The following ANK1 variants were observed in gnomAD, a reference collection of about 807,000 sequenced individuals.
ANK1 encodes ankyrin 1.
ANK1 carries 51 observed loss-of-function variants against 210.4 expected under a neutral mutation model. That is an observed-to-expected ratio of 0.24 (90% CI 0.19 to 0.31). ANK1 has a LOEUF of 0.31. Ranked by LOEUF, ANK1 falls within the 10% of genes least tolerant of loss-of-function variation. ANK1 has a pLI of 1.00. For missense variants in ANK1, 2,051 were observed against 2,504.4 expected, an observed-to-expected ratio of 0.82 and a Z score of 3.86; for synonymous variants, 967 against 1,025.9, an observed-to-expected ratio of 0.94 and a Z score of 1.10.
intron 1 of ANK1, among the ~76,000 whole-genome samples, chr8:41,884,315 T>A (rs1036556683): frequency 6.6e-6 from 1 of 152,126 alleles, no homozygotes; most frequent in Admixed American, 6.5e-5. Context: ...GCCATTGCAC[T>A]CCAGCCTGGG....
chr8:41,867,480 G>T (rs762791989), intron 1 of ANK1, among the ~76,000 whole-genome samples: 3 of 152,098 alleles, frequency 2.0e-5, no homozygotes, highest in Non-Finnish European at 4.4e-5. Context: ...AAGGGTCCTG[G>T]ACCTGATAAC....
intron 17 of ANK1, among the ~76,000 whole-genome samples, chr8:41,707,722 A>C (rs999761540): frequency 3.3e-5 from 5 of 152,216 alleles, no homozygotes; most frequent in African/African-American, 4.8e-5. Flanking sequence ...ATGCCATGAG[A>C]TATAATGAAT....
rs181023637 is a variant in ANK1, at chr8:41,791,683, G to A, written c.27+5829C>T. On this transcript the variant is annotated intron_variant, in intron 1 of 42. Coordinates refer to ENST00000289734, the MANE Select transcript of ANK1 (RefSeq NM_000037.4). ...CTTGACCTCGTGATCCGCCCACCTC[G>A]GACTCCCAAAGTGGGGAGGCACTAA... Among the ~76,000 whole-genome samples, 292 of 152,196 alleles carry A rather than the reference G, an allele frequency of 1.9e-3. 1 individual carries two copies. The highest frequency in any genetic ancestry group is 3.7e-3 in the Admixed American group (56 of 15,300).
At position 41,694,017 on chromosome 8, in the gene ANK1, C is replaced by T. The variant is rs1284031387; in HGVS notation, c.3413G>A (p.Arg1138His). The T allele has an allele frequency of 7.4e-6, 12 of 1,613,896 alleles. No homozygotes were observed. Among genetic ancestry groups the T allele is most frequent in the African/African-American group, 2.7e-5 (2 of 74,940 alleles). The change falls in exon 29 of 43, where the codon CGC becomes CAC. Residue 1138 changes from arginine (R) to histidine (H), a missense_variant. Around this residue, in one of 6 missense-constraint regions of ANK1, gnomAD observed 1,413 missense variants for 1,707.4 expected, o/e 0.83. Transcript: ENST00000289734. This position sits in a 1 kb window ranked among gnomAD's most constrained non-coding sequence, Gnocchi z 5.7. ...CCCAATGGGGCGGTGGAACTTCCGG[C>T]GCCGGGGCTCCACGGTGACAATGGG... is the stretch of plus-strand genomic sequence containing the variant. ...FSPIVTVEPR[R>H]RKFHRPIGLR...
intron 42 of ANK1, among the ~76,000 whole-genome samples, chr8:41,660,024 A>G (rs1171285896): frequency 6.6e-6 from 1 of 152,132 alleles, no homozygotes; most frequent in African/African-American, 2.4e-5. Flanking sequence ...AGAAAAGTGT[A>G]CTTTTCCTTT....
intron 39 of ANK1, among the ~76,000 whole-genome samples, chr8:41,667,765 G>A (rs1204948097): frequency 6.6e-6 from 1 of 152,132 alleles, no homozygotes; most frequent in African/African-American, 2.4e-5. Context: ...CACGTGAATA[G>A]CCACAGAATT....
chr8:41,691,680 A>C (rs1819308407), intron 31 of ANK1, among the ~76,000 whole-genome samples: 1 of 152,144 alleles, frequency 6.6e-6, no homozygotes. Flanking sequence ...GCAGGTTATA[A>C]TGTAGACTCT....
intron 1 of ANK1, among the ~76,000 whole-genome samples, chr8:41,765,931 G>C (rs781309360): frequency 2.0e-5 from 3 of 152,102 alleles, no homozygotes; most frequent in Non-Finnish European, 4.4e-5. Flanking sequence ...GAACCCCAGG[G>C]CCTCCTCACA....
At chr8:41,810,491 T>TGGCCCCTCTGCTGAGGC (rs1271667919) in intron 1 of ANK1, among the ~76,000 whole-genome samples, 1 of 152,234 alleles carries the variant, frequency 6.6e-6, no homozygotes, top group Non-Finnish European at 1.5e-5. Flanking sequence ...AAGCCATCTG[T>TGGCCCCTCTGCTGAGGC]GGCCCCTCTG....
chr8:41,798,190 GCCGGCC>G (rs1311912308), upstream of ANK1, among the ~76,000 whole-genome samples: 1 of 151,620 alleles, frequency 6.6e-6, no homozygotes, highest in African/African-American at 2.4e-5. Context: ...AGTCCTTCTG[GCCGGCC>G]CCTCCGCCCC....
chr8:41,768,677 T>C (rs895182765), intron 1 of ANK1, among the ~76,000 whole-genome samples: 6 of 151,980 alleles, frequency 3.9e-5, no homozygotes, highest in East Asian at 1.9e-4. Flanking sequence ...CAGGAAGAGA[T>C]AATGTGGGGG....
intron 1 of ANK1, among the ~76,000 whole-genome samples, chr8:41,870,713 A>G (rs895735527): frequency 1.3e-5 from 2 of 152,234 alleles, no homozygotes; most frequent in African/African-American, 4.8e-5. Flanking sequence ...AGAGGCTGGC[A>G]GAAAGGGTGG....
intron 9 of ANK1, among the ~76,000 whole-genome samples, chr8:41,720,360 A>G (rs909102730): frequency 6.6e-6 from 1 of 152,220 alleles, no homozygotes; most frequent in Non-Finnish European, 1.5e-5. Context: ...TGAATGAATT[A>G]TGATAAAATA....
Position 41,694,929 on chromosome 8 carries a change from T to C in ANK1, c.3116-126A>G. 1.0e-5 allele frequency: 12 copies of C among 1,150,594 alleles called. No individual in the cohort carries two copies. The highest frequency in any genetic ancestry group is 1.4e-5 in the Non-Finnish European group (11 of 784,804). The allele number at this position is 1,150,594 out of a possible 1,614,324, so 71.3% of individuals were successfully genotyped here. On this transcript the variant is annotated intron_variant, in intron 27 of 42. Coordinates refer to ENST00000289734, the MANE Select transcript of ANK1 (RefSeq NM_000037.4). This position sits in a 1 kb window ranked among gnomAD's most constrained non-coding sequence, Gnocchi z 5.7. ...CACCCTCCCCAGGTGCCGGGCGGCA[T>C]AGTGGCCAGAAGAAGTGGCCAGAAG...
chr8:41,803,027 A>AAGAAAG, intron 1 of ANK1, among the ~76,000 whole-genome samples: 1 of 100,812 alleles, frequency 9.9e-6, no homozygotes, highest in African/African-American at 4.3e-5. Flanking sequence ...GAAAGAAAGA[A>AAGAAAG]AGAAAGAAAG....
chr8:41,862,768 G>A (rs1310388610), intron 1 of ANK1, among the ~76,000 whole-genome samples: 1 of 151,962 alleles, frequency 6.6e-6, no homozygotes, highest in Non-Finnish European at 1.5e-5. Flanking sequence ...CCAGCACTTT[G>A]AGAGGCTGAG....
At position 41,665,020 on chromosome 8, in the gene ANK1, A is replaced by G. The variant is rs764784796; in HGVS notation, c.5395-1278T>C. ...ACCAACAGCTGGGTGACGAAAGTCCACATCCTCGCCTCCTCACCAGCCCGG... is the reference window on the plus strand; with the variant it reads ...ACCAACAGCTGGGTGACGAAAGTCCGCATCCTCGCCTCCTCACCAGCCCGG... On this transcript the variant is annotated intron_variant, in intron 39 of 42. Coordinates refer to ENST00000289734, the MANE Select transcript of ANK1 (RefSeq NM_000037.4). 2.5e-6 allele frequency: 4 copies of G among 1,613,406 alleles called. No homozygotes were observed. In the African/African-American group the frequency reaches 5.3e-5, roughly 22 times the overall value.
At chr8:41,850,129 A>C (rs1810955707) in intron 1 of ANK1, among the ~76,000 whole-genome samples, 2 of 152,116 alleles carry the variant, frequency 1.3e-5, no homozygotes, top group Non-Finnish European at 2.9e-5. Context: ...CCTTTATAAG[A>C]TAAGTAGAGT....
rs79098530 is a variant in ANK1 at position 41,795,047 on chromosome 8, A to G, written c.27+2465T>C. ...ACCTGGAGGACAAAGGTTTTTAGTCACTTCACCTTTAGAAAACACTCTTAT... is the reference window on the plus strand; with the variant it reads ...ACCTGGAGGACAAAGGTTTTTAGTCGCTTCACCTTTAGAAAACACTCTTAT... On this transcript the variant is annotated intron_variant, in intron 1 of 42. Transcript: ENST00000289734. Among the ~76,000 whole-genome samples the G allele has an allele frequency of 1.0e-3, 153 of 152,314 alleles. 2 individuals carry two copies. In the East Asian group the frequency reaches 0.028, roughly 28 times the overall value.
Sources: allele counts gnomAD v4.1 joint callset (sites outside exome capture counted in the v4.1 genomes callset), GRCh38; gene constraint gnomAD v4.1.1; regional missense constraint gnomAD v4.1.1; non-coding constraint Gnocchi (gnomAD v3.1); transcripts MANE v1.5; gene names NCBI Gene and HGNC (gene_info 2026-07-23, HGNC 2026-07-21).